The following MAP3K5 variants were observed in gnomAD, a reference collection of about 807,000 sequenced individuals.
The protein encoded by MAP3K5 is mitogen-activated protein kinase kinase kinase 5.
A neutral mutation model predicts 158.7 loss-of-function variants in MAP3K5; 56 were observed. The ratio of observed to expected loss-of-function variants is 0.35; its 90% confidence interval spans 0.28 to 0.44. MAP3K5 has a LOEUF of 0.44. MAP3K5 is among the 20% of genes least tolerant of loss of function. The pLI, the probability that MAP3K5 is intolerant of heterozygous loss-of-function variation, is 1.00. For synonymous variants in MAP3K5, 579 were observed against 601.7 expected, an observed-to-expected ratio of 0.96 and a Z score of 0.55; for missense variants, 1,294 against 1,674.8, an observed-to-expected ratio of 0.77 and a Z score of 3.97.
intron 1 of MAP3K5, among the ~76,000 whole-genome samples, chr6:136,778,576 C>A (rs1249547885): frequency 6.6e-6 from 1 of 152,140 alleles, no homozygotes; most frequent in Non-Finnish European, 1.5e-5. Context: ...AGATATCTTG[C>A]AGATTTTAAG....
chr6:136,716,766 G>C (rs1261294718), intron 2 of MAP3K5, among the ~76,000 whole-genome samples: 1 of 152,186 alleles, frequency 6.6e-6, no homozygotes, highest in East Asian at 1.9e-4. Context: ...TATTGGCACA[G>C]ATATTCTCTC....
At chr6:136,637,177 A>C in intron 14 of MAP3K5, 148 bp downstream of exon 14, 1 of 1,326,458 alleles carries the variant, frequency 7.5e-7, no homozygotes, top group Non-Finnish European at 1.0e-6. Context: ...CTTTTTACCA[A>C]AGGAATTCTG....
At chr6:136,592,642 TAA>T in intron 21 of MAP3K5, 28 bp from the exon 22 acceptor site, 1 of 1,589,658 alleles carries the variant, frequency 6.3e-7, no homozygotes, top group South Asian at 1.1e-5. Flanking sequence ...AGGGAAAAGA[TAA>T]TTGACACTTT....
At position 136,585,469 on chromosome 6, in the gene MAP3K5, T is replaced by TTTTA. The variant is rs1554280758; in HGVS notation, c.3226-1730_3226-1729insTAAA. ...AAGGCATATTGCTTCCTTTCTTTTC[T>TTTTA]TTTCTTTATTTATTTATTTATTTAT... On this transcript the variant is annotated intron_variant, in intron 23 of 29. Coordinates refer to ENST00000359015, the MANE Select transcript of MAP3K5 (RefSeq NM_005923.4). Among the ~76,000 whole-genome samples, 831 of 131,520 alleles carry TTTTA rather than the reference T, an allele frequency of 6.3e-3. 21 individuals carry two copies. Among genetic ancestry groups the TTTTA allele is most frequent in the Non-Finnish European group, 8.8e-3 (537 of 60,716 alleles). 86.3% of individuals were successfully genotyped at this position (131,520 alleles called of 152,430 possible).
chr6:136,577,311 C>T (rs1052211406), intron 25 of MAP3K5, among the ~76,000 whole-genome samples: 1 of 152,058 alleles, frequency 6.6e-6, no homozygotes, highest in African/African-American at 2.4e-5. Context: ...TCATTTTGTC[C>T]ACATAATTCA....
chr6:136,763,522 A>G (rs1783840696), intron 1 of MAP3K5, among the ~76,000 whole-genome samples: 1 of 152,200 alleles, frequency 6.6e-6, no homozygotes, highest in East Asian at 1.9e-4. Context: ...TAGAAACTGA[A>G]AATTTACAGA....
chr6:136,727,915 T>G (rs1394423098), intron 1 of MAP3K5, among the ~76,000 whole-genome samples: 1 of 148,386 alleles, frequency 6.7e-6, no homozygotes, highest in African/African-American at 2.5e-5. Flanking sequence ...TGAGCAGAGA[T>G]AGCACCATTG....
At chr6:136,564,704 A>G (rs780344628) in intron 26 of MAP3K5, among the ~76,000 whole-genome samples, 2 of 152,216 alleles carry the variant, frequency 1.3e-5, no homozygotes, top group Non-Finnish European at 2.9e-5. Context: ...CTTTTGTTAA[A>G]GTGAATGAAA....
chr6:136,592,459 C>T lies in MAP3K5; in HGVS notation c.3034G>A (p.Gly1012Arg), dbSNP rs757363563. 8 of 1,613,998 alleles carry T rather than the reference C, an allele frequency of 5.0e-6. No homozygotes were observed. The highest frequency in any genetic ancestry group is 1.3e-5 in the African/African-American group (1 of 74,992). The stretch of plus-strand genomic sequence containing the variant: ...TACCCCAAAAAGAGTGTCCGAATTC[C>T]CTTGACATCTCTTTCTCCGCAGGAC... ...AKSCGERDVK[G>R]IRTLFLGIPD... Residue 1012 changes from glycine (G) to arginine (R), a missense_variant, in exon 22 of 30, where the codon GGA becomes AGA. Transcript: ENST00000359015.
At chr6:136,652,607 A>G (rs1778568161) in intron 10 of MAP3K5, among the ~76,000 whole-genome samples, 1 of 152,158 alleles carries the variant, frequency 6.6e-6, no homozygotes, top group Non-Finnish European at 1.5e-5. Context: ...ACATCATCCA[A>G]CTCTCTTCAT....
Position 136,774,640 on chromosome 6 carries a change from A to G in MAP3K5, c.448+17070T>C, listed in dbSNP as rs186620099. Among the ~76,000 whole-genome samples, 4 of 152,356 alleles carry G rather than the reference A, an allele frequency of 2.6e-5. No individual in the cohort carries two copies. In the East Asian group the frequency reaches 7.7e-4, roughly 29 times the overall value. ...GATACAGAAGACCTGGGGCATGTCA[A>G]GAACCATAAAATGTGATCTTTGTCA... On this transcript the variant is annotated intron_variant, in intron 1 of 29. Coordinates refer to ENST00000359015, the MANE Select transcript of MAP3K5 (RefSeq NM_005923.4).
At position 136,567,723 on chromosome 6, in the gene MAP3K5, C is replaced by T. The variant is rs189861968; in HGVS notation, c.3669G>A (p.Val1223=). The part of the protein sequence containing the change: ...VIEDAVATSG[V]STLSSTVSHD... ...GAGACACAGTAGAACTGAGCGTGCT[C>T]ACGCCTGAGGTAGCCACAGCATCTT... Residue 1223 remains valine, a synonymous_variant, in exon 26 of 30, where the codon GTG becomes GTA. Coordinates refer to ENST00000359015, the MANE Select transcript of MAP3K5 (RefSeq NM_005923.4). 1 of 1,614,078 alleles carries T rather than the reference C, an allele frequency of 6.2e-7. No individual in the cohort carries two copies. The highest frequency in any genetic ancestry group is 1.3e-5 in the African/African-American group (1 of 75,052).
chr6:136,745,186 C>T (rs1249475424), intron 1 of MAP3K5, among the ~76,000 whole-genome samples: 1 of 137,252 alleles, frequency 7.3e-6, no homozygotes, highest in Non-Finnish European at 1.5e-5. Flanking sequence ...ATTGGAGCTT[C>T]GGCATCTATT....
At chr6:136,755,809 TACAG>T in intron 1 of MAP3K5, among the ~76,000 whole-genome samples, 1 of 152,006 alleles carries the variant, frequency 6.6e-6, no homozygotes, top group African/African-American at 2.4e-5. Context: ...GTATCTTGTA[TACAG>T]AAGGCACTCA....
intron 10 of MAP3K5, among the ~76,000 whole-genome samples, chr6:136,651,464 G>A (rs1381278354): frequency 6.6e-6 from 1 of 152,092 alleles, no homozygotes; most frequent in Non-Finnish European, 1.5e-5. Flanking sequence ...GTCAAAGAAA[G>A]ACAGAAAAGG....
chr6:136,595,650 T>A (rs73556239), intron 21 of MAP3K5, among the ~76,000 whole-genome samples: 207 of 152,258 alleles, frequency 1.4e-3, no homozygotes, highest in African/African-American at 4.7e-3. Flanking sequence ...TGAGAAATAA[T>A]ACAGGCCAAA....
intron 10 of MAP3K5, among the ~76,000 whole-genome samples, chr6:136,652,291 C>T (rs1778551352): frequency 6.6e-6 from 1 of 152,088 alleles, no homozygotes; most frequent in African/African-American, 2.4e-5. Flanking sequence ...TTTTTCTTTA[C>T]TCTTTGAATA....
At position 136,696,198 on chromosome 6, in the gene MAP3K5, CTAGAA is replaced by C. The variant is rs1780594603; in HGVS notation, c.976-146_976-142del. 20 of 560,284 alleles carry C rather than the reference CTAGAA, an allele frequency of 3.6e-5. 1 individual carries two copies. The South Asian group carries it at 5.2e-4, about 15-fold the overall frequency. The allele number at this position is 560,284 out of a possible 1,614,324, so 34.7% of individuals were successfully genotyped here. ...GAATCCACAGAACACTTTGAAGAAC[CTAGAA>C]TAAACAGTTTTTGTTGTTTTTCTTC... On this transcript the variant is annotated intron_variant, in intron 5 of 29. Coordinates refer to ENST00000359015, the MANE Select transcript of MAP3K5 (RefSeq NM_005923.4).
intron 18 of MAP3K5, 149 bp downstream of exon 18, chr6:136,611,133 A>AAAAAAAAAAAG: frequency 2.3e-6 from 1 of 430,406 alleles, no homozygotes; most frequent in South Asian, 4.5e-5. Flanking sequence ...AAAAAAAAAA[A>AAAAAAAAAAAG]AGAAAGAAAA....
Sources: gnomAD v4.1 joint callset for allele counts (sites outside exome capture counted in the v4.1 genomes callset) on GRCh38, gnomAD v4.1.1 for gene constraint, MANE v1.5 for transcripts, NCBI Gene and HGNC (gene_info 2026-07-23, HGNC 2026-07-21) for gene names.